The following CNTN4 variants were observed in gnomAD, a reference collection of about 807,000 sequenced individuals.
CNTN4 encodes the protein contactin 4.
In CNTN4, 77 loss-of-function variants were observed where a neutral mutation model predicts 122.5. The observed-to-expected ratio is 0.63, with a 90% CI of 0.52 to 0.76. The LOEUF (loss-of-function observed/expected upper bound fraction) is 0.76, where lower values mean the gene tolerates loss of function less well. CNTN4 is among the 30% of genes least tolerant of loss of function. The probability of loss-of-function intolerance (pLI) is 0.00; values close to 1 mark genes in which losing one functional copy is unlikely to be tolerated. For synonymous variants in CNTN4, 512 were observed against 447.0 expected (o/e 1.15, Z -1.83); for missense variants, 1,256 against 1,259.1 (o/e 1.00, Z 0.04).
At chr3:2,944,006 A>G (rs927390583) in intron 13 of CNTN4, among the ~76,000 whole-genome samples, 1 of 152,206 alleles carries the variant, frequency 6.6e-6, no homozygotes, top group Non-Finnish European at 1.5e-5. Context: ...TGATTATATA[A>G]TAATGGAATT....
At chr3:2,789,221 G>T (rs1311507786) in intron 6 of CNTN4, among the ~76,000 whole-genome samples, 1 of 152,164 alleles carries the variant, frequency 6.6e-6, no homozygotes, top group Non-Finnish European at 1.5e-5. Flanking sequence ...CCTATTACCT[G>T]TGTGTCTCTG....
chr3:3,041,869 A>G (rs538672057), intron 20 of CNTN4, among the ~76,000 whole-genome samples: 3 of 152,270 alleles, frequency 2.0e-5, no homozygotes, highest in Admixed American at 2.0e-4. Context: ...CTGAGGCGGG[A>G]GGATGGCTTG....
chr3:2,739,079 A>G (rs767749865), intron 5 of CNTN4, among the ~76,000 whole-genome samples: 1 of 152,180 alleles, frequency 6.6e-6, no homozygotes, highest in Non-Finnish European at 1.5e-5. Flanking sequence ...AACATTAGCT[A>G]AACACTTTAA....
intron 2 of CNTN4, among the ~76,000 whole-genome samples, chr3:2,142,647 T>C (rs949966204): frequency 1.3e-5 from 2 of 152,200 alleles, no homozygotes; most frequent in African/African-American, 2.4e-5. Flanking sequence ...CTGGCTGATA[T>C]GCTTTCATTT....
chr3:2,851,596 TTGTTTAC>T (rs1380547058), intron 7 of CNTN4, among the ~76,000 whole-genome samples: 69 of 152,248 alleles, frequency 4.5e-4, no homozygotes, highest in Non-Finnish European at 7.3e-4. Context: ...TGGCGTTTTA[TTGTTTAC>T]AAAGTGTTCT....
intron 7 of CNTN4, among the ~76,000 whole-genome samples, chr3:2,865,582 A>ATT (rs2093715393): frequency 6.6e-6 from 1 of 152,218 alleles, no homozygotes. Flanking sequence ...TCCCCTCAAC[A>ATT]AAGTAATTTT....
intron 2 of CNTN4, among the ~76,000 whole-genome samples, chr3:2,320,268 T>G (rs904766626): frequency 1.3e-5 from 2 of 152,182 alleles, no homozygotes; most frequent in African/African-American, 2.4e-5. Context: ...GAAAGTGTAC[T>G]TAGATGTGTT....
At chr3:2,936,160 G>A (rs2094565878) in intron 13 of CNTN4, among the ~76,000 whole-genome samples, 1 of 152,154 alleles carries the variant, frequency 6.6e-6, no homozygotes, top group Admixed American at 6.5e-5. Context: ...CATCGGTTGA[G>A]TTCAGTGTTT....
intron 2 of CNTN4, among the ~76,000 whole-genome samples, chr3:2,265,003 C>G (rs2040984951): frequency 6.6e-6 from 1 of 152,134 alleles, no homozygotes; most frequent in Non-Finnish European, 1.5e-5. Context: ...TCTTTCATCC[C>G]TCACGCCACT....
At chr3:3,037,137 T>C (rs1699681874) in intron 17 of CNTN4, 42 bp from the exon 18 acceptor site, 2 of 1,611,100 alleles carry the variant, frequency 1.2e-6, no homozygotes, top group Non-Finnish European at 1.7e-6. Flanking sequence ...ATTTGTTTTC[T>C]GAGAACCTAT....
intron 23 of CNTN4, among the ~76,000 whole-genome samples, chr3:3,044,832 C>T (rs542093323): frequency 2.6e-5 from 4 of 152,334 alleles, no homozygotes; most frequent in African/African-American, 4.8e-5. Flanking sequence ...CTGGGAAGGG[C>T]AAAGGGTCAA....
chr3:2,194,808 G>A (rs1398068799), intron 2 of CNTN4, among the ~76,000 whole-genome samples: 1 of 152,118 alleles, frequency 6.6e-6, no homozygotes, highest in East Asian at 1.9e-4. Context: ...ACCACCAGAA[G>A]CTATGAAGAA....
intron 3 of CNTN4, chr3:2,362,342 G>T: frequency 3.4e-6 from 1 of 294,536 alleles, no homozygotes; most frequent in South Asian, 3.0e-5. Context: ...CACATCTGAG[G>T]AGCTGTAGGT....
chr3:2,614,571 G>C (rs892289407), intron 4 of CNTN4, among the ~76,000 whole-genome samples: 1 of 152,114 alleles, frequency 6.6e-6, no homozygotes, highest in Non-Finnish European at 1.5e-5. Flanking sequence ...AGGATGTTTG[G>C]GAGATAGGAT....
At chr3:2,957,752 G>T (rs1398366909) in intron 13 of CNTN4, among the ~76,000 whole-genome samples, 1 of 137,778 alleles carries the variant, frequency 7.3e-6, no homozygotes, top group Non-Finnish European at 1.5e-5. Flanking sequence ...CCTCTATATT[G>T]TGACAAAGGA....
Position 2,883,331 on chromosome 3 carries a change from T to C in CNTN4, c.755+84T>C, listed in dbSNP as rs9843730. On this transcript the variant is annotated intron_variant, in intron 9 of 24. Transcript: ENST00000418658. ...TTTCTTGCACTGTTCACAGCGATGG[T>C]TTCTGAGGTGACGGAAAAGCAAGTG... 6.6e-3 allele frequency: 6,511 copies of C among 990,302 alleles called. 290 individuals carry two copies. In the African/African-American group the frequency reaches 0.09, roughly 14 times the overall value. 61.3% of individuals were successfully genotyped at this position (990,302 alleles called of 1,614,324 possible). A position where few individuals can be genotyped will look rare whatever the true frequency, so the allele number is the denominator to read the frequency against.
intron 2 of CNTN4, among the ~76,000 whole-genome samples, chr3:2,234,661 G>GTTGA (rs2149567960): frequency 6.6e-6 from 1 of 152,254 alleles, no homozygotes; most frequent in East Asian, 1.9e-4. Context: ...CAGATGCATT[G>GTTGA]TTGATTGCCT....
At chr3:2,433,924 A>G (rs1357983467) in intron 3 of CNTN4, among the ~76,000 whole-genome samples, 1 of 152,162 alleles carries the variant, frequency 6.6e-6, no homozygotes, top group East Asian at 1.9e-4. Flanking sequence ...CAAATACCAT[A>G]TGATTTGACT....
intron 12 of CNTN4, among the ~76,000 whole-genome samples, chr3:2,916,920 A>C (rs1339779528): frequency 1.3e-5 from 2 of 148,932 alleles, no homozygotes; most frequent in Non-Finnish European, 3.0e-5. Flanking sequence ...CAGAGGCTGC[A>C]GTCTCGGCAC....
Sources: gnomAD v4.1 joint callset for allele counts (sites outside exome capture counted in the v4.1 genomes callset) on GRCh38, gnomAD v4.1.1 for gene constraint, MANE v1.5 for transcripts, NCBI Gene and HGNC (gene_info 2026-07-23, HGNC 2026-07-21) for gene names.